The following CERKL variants were observed in gnomAD, a reference collection of about 807,000 sequenced individuals.
The protein encoded by CERKL is ceramide kinase-like protein.
In CERKL, 61 loss-of-function variants were observed where a neutral mutation model predicts 63.4. The ratio of observed to expected loss-of-function variants is 0.96; its 90% confidence interval spans 0.78 to 1.19. CERKL has a LOEUF of 1.19. CERKL is among the 50% of genes most tolerant of loss of function. CERKL has a pLI of 0.00. For missense variants in CERKL, 675 were observed against 655.5 expected, an observed-to-expected ratio of 1.03 and a Z score of -0.33; for synonymous variants, 250 against 230.5, an observed-to-expected ratio of 1.08 and a Z score of -0.77.
At chr2:181,621,285 G>C (rs1390969116) in intron 1 of CERKL, among the ~76,000 whole-genome samples, 1 of 152,080 alleles carries the variant, frequency 6.6e-6, no homozygotes, top group African/African-American at 2.4e-5. Context: ...TAATAAAATT[G>C]TAAGTCTTAA....
intron 1 of CERKL, among the ~76,000 whole-genome samples, chr2:181,636,467 C>T: frequency 6.9e-6 from 1 of 144,030 alleles, no homozygotes. Flanking sequence ...CCTAATTTAC[C>T]AAAAAAAAAA....
intron 2 of CERKL, among the ~76,000 whole-genome samples, chr2:181,593,470 A>T (rs1274981367): frequency 5.3e-5 from 8 of 152,000 alleles, no homozygotes; most frequent in Admixed American, 4.6e-4. Context: ...CAAAATGAAA[A>T]TTTTTATTTT....
At chr2:181,594,984 T>C (rs12105511) in intron 2 of CERKL, among the ~76,000 whole-genome samples, 27,743 of 152,038 alleles carry the variant, frequency 0.18, 4,048 homozygotes, top group African/African-American at 0.41. Context: ...TAAAGTATTA[T>C]GTATTTCCTA....
At chr2:181,638,669 T>C (rs1406645951) in intron 1 of CERKL, among the ~76,000 whole-genome samples, 1 of 152,230 alleles carries the variant, frequency 6.6e-6, no homozygotes, top group Admixed American at 6.5e-5. Context: ...CAGGGATTCG[T>C]ACCCTCAAGC....
intron 4 of CERKL, among the ~76,000 whole-genome samples, chr2:181,562,433 G>A (rs1185971878): frequency 6.6e-6 from 1 of 152,110 alleles, no homozygotes; most frequent in Non-Finnish European, 1.5e-5. Context: ...CTCATATTTG[G>A]CTCAAAATAA....
chr2:181,623,569 G>C (rs866274660), intron 1 of CERKL, among the ~76,000 whole-genome samples: 3 of 152,272 alleles, frequency 2.0e-5, no homozygotes, highest in Non-Finnish European at 2.9e-5. Context: ...TCGTTAATTG[G>C]AAACCTTCCA....
intron 3 of CERKL, among the ~76,000 whole-genome samples, chr2:181,570,141 A>C (rs1688842976): frequency 1.3e-5 from 2 of 152,216 alleles, no homozygotes; most frequent in African/African-American, 4.8e-5. Flanking sequence ...GTAAGTCAGC[A>C]CAGAGGAGGT....
chr2:181,598,597 C>T (rs1158266948), intron 2 of CERKL, among the ~76,000 whole-genome samples: 1 of 152,116 alleles, frequency 6.6e-6, no homozygotes, highest in Non-Finnish European at 1.5e-5. Context: ...GTGCCATCTA[C>T]TGGATTGCAG....
chr2:181,565,394 C>G, intron 4 of CERKL: 2 of 1,491,970 alleles, frequency 1.3e-6, no homozygotes, highest in Non-Finnish European at 1.9e-6. Flanking sequence ...ATTGGTTCAC[C>G]TAATTTTAAA....
rs901527351 is a variant in CERKL, at chr2:181,647,087, A to T, written c.238+9682T>A. On this transcript the variant is annotated intron_variant, in intron 1 of 12. Transcript: ENST00000410087. ...TGAAGGCTAAAAACCAAAGAAAGAA[A>T]GTGTAACAGATGAAACAAATTTCTA... Among the ~76,000 whole-genome samples the T allele has an allele frequency of 3.3e-5, 5 of 152,354 alleles. 1 individual carries two copies. The highest frequency in any genetic ancestry group is 9.6e-5 in the African/African-American group (4 of 41,584).
intron 1 of CERKL, among the ~76,000 whole-genome samples, chr2:181,627,405 T>G (rs899223253): frequency 3.9e-5 from 6 of 152,098 alleles, no homozygotes; most frequent in African/African-American, 1.4e-4. Context: ...ATCATTGAAA[T>G]AAGAGCAAGA....
chr2:181,564,096 C>G (rs187571207), intron 4 of CERKL, among the ~76,000 whole-genome samples: 2 of 152,100 alleles, frequency 1.3e-5, no homozygotes, highest in African/African-American at 4.8e-5. Context: ...AGTTATATCC[C>G]TCGCGTGCCC....
chr2:181,611,903 GA>G (rs1412396127), intron 1 of CERKL, among the ~76,000 whole-genome samples: 1 of 152,008 alleles, frequency 6.6e-6, no homozygotes, highest in Non-Finnish European at 1.5e-5. Flanking sequence ...GTGATCGATT[GA>G]AAAAAAGATT....
At chr2:181,578,490 G>A (rs1684355253) in intron 2 of CERKL, among the ~76,000 whole-genome samples, 1 of 149,938 alleles carries the variant, frequency 6.7e-6, no homozygotes, top group Non-Finnish European at 1.5e-5. Context: ...TCTAGAGATG[G>A]GGTTTTGCCA....
chr2:181,584,772 G>A (rs987878685), intron 2 of CERKL, among the ~76,000 whole-genome samples: 4 of 151,396 alleles, frequency 2.6e-5, no homozygotes, highest in African/African-American at 9.7e-5. Flanking sequence ...ATTTTAAAAG[G>A]AAATTATGTT....
Position 181,544,715 on chromosome 2 carries a change from G to A in CERKL, c.1350C>T (p.Ala450=), listed in dbSNP as rs2105797167. 1.9e-6 allele frequency: 3 copies of A among 1,599,076 alleles called. No homozygotes were observed. The highest frequency in any genetic ancestry group is 2.6e-6 in the Non-Finnish European group (3 of 1,168,134). The change falls in exon 11 of 13, where the codon GCC becomes GCT. Residue 450 remains alanine (A), a synonymous_variant. Coordinates refer to ENST00000410087, the MANE Select transcript of CERKL (RefSeq NM_201548.5). Reference sequence around the variant, plus strand: ...TTTACTATACCTGATTTTTTACACTGGCATATCTTTTCAGGTGTTTTATAA... The same window carrying A: ...TTTACTATACCTGATTTTTTACACTAGCATATCTTTTCAGGTGTTTTATAA... ...PEFIKHLKRY[A]SVKNQFNFPF...
In CERKL at chr2:181,573,672, T is replaced by A. The variant is rs1026279864; in HGVS notation, c.613+81A>T. On this transcript the variant is annotated intron_variant, in intron 3 of 12. Coordinates refer to ENST00000410087, the MANE Select transcript of CERKL (RefSeq NM_201548.5). Reference sequence around the variant, plus strand: ...TAGATATTACAAGTAGTTTCCCAAGTTTGCATTAAGGACAAATTCAGATTA... The same window carrying A: ...TAGATATTACAAGTAGTTTCCCAAGATTGCATTAAGGACAAATTCAGATTA... 4.5e-6 allele frequency: 6 copies of A among 1,327,990 alleles called. No homozygotes were observed. In the African/African-American group the frequency reaches 8.7e-5, roughly 19 times the overall value. The allele number at this position is 1,327,990 out of a possible 1,614,324, so 82.3% of individuals were successfully genotyped here.
In CERKL at chr2:181,536,900, A is replaced by T; in HGVS notation, c.*1284T>A. The T allele has an allele frequency of 2.2e-6, 1 of 453,424 alleles. No homozygotes were observed. 28.1% of individuals were successfully genotyped at this position (453,424 alleles called of 1,614,324 possible). ...TGTTATAGGGAGTGATCAAATTAGA[A>T]GGCAATGTGGAAAAACAATTCTGGG... On this transcript the variant is annotated 3_prime_UTR_variant, in exon 13 of 13. Transcript: ENST00000410087.
intron 2 of CERKL, among the ~76,000 whole-genome samples, chr2:181,594,888 T>C (rs1483575413): frequency 6.6e-6 from 1 of 152,194 alleles, no homozygotes; most frequent in Admixed American, 6.6e-5. Flanking sequence ...GAGTTACATA[T>C]AATATCTGTA....
Sources: gnomAD v4.1 joint callset for allele counts (sites outside exome capture counted in the v4.1 genomes callset) on GRCh38, gnomAD v4.1.1 for gene constraint, MANE v1.5 for transcripts, NCBI Gene and HGNC (gene_info 2026-07-23, HGNC 2026-07-21) for gene names.